Variants in PDGFRA observed in about 807,000 individuals in gnomAD.
The protein encoded by PDGFRA is platelet derived growth factor receptor alpha, also known as platelet-derived growth factor receptor alpha.
Under a neutral mutation model 121.5 loss-of-function variants are expected in PDGFRA, and 25 were observed. That is an observed-to-expected ratio of 0.21 (90% confidence interval 0.15 to 0.29). The LOEUF (loss-of-function observed/expected upper bound fraction) is 0.29. Among genes scored for constraint, PDGFRA ranks in the 10% least tolerant of loss-of-function variants. PDGFRA has a pLI of 1.00. For synonymous variants in PDGFRA, 463 were observed against 494.8 expected (o/e 0.94, Z 0.85); for missense variants, 1,008 against 1,345.1 (o/e 0.75, Z 3.92).
chr4:54,291,822 C>G (rs1016790987), intron 22 of PDGFRA, among the ~76,000 whole-genome samples: 5 of 145,460 alleles, frequency 3.4e-5, no homozygotes, highest in African/African-American at 1.0e-4. Context: ...TAAAGACATG[C>G]ATACGTATGT....
chr4:54,238,531 T>G (rs998480903), intron 1 of PDGFRA, among the ~76,000 whole-genome samples: 2 of 152,174 alleles, frequency 1.3e-5, no homozygotes, highest in African/African-American at 4.8e-5. Context: ...CCAGAGTGAC[T>G]TCATCTTGAA....
In PDGFRA at chr4:54,280,962, C is replaced by G. The variant is rs577379660; in HGVS notation, c.2323+480C>G. Among the ~76,000 whole-genome samples the G allele has an allele frequency of 3.9e-5, 6 of 151,938 alleles. No individual in the cohort carries two copies. In the South Asian group the frequency reaches 8.3e-4, roughly 21 times the overall value. ...CTCTGATGTCTATGAGTTCAGTAAC[C>G]CTTGCTTTTACTTTTCCTAACATTC... On this transcript the variant is annotated intron_variant, in intron 16 of 22. Transcript: ENST00000257290.
At chr4:54,287,632 G>T in intron 19 of PDGFRA, 91 bp downstream of exon 19, 1 of 766,706 alleles carries the variant, frequency 1.3e-6, no homozygotes. Flanking sequence ...TGTAGACAGT[G>T]TTAAGATAAC....
chr4:54,270,105 G>C (rs569070133), intron 7 of PDGFRA, among the ~76,000 whole-genome samples: 2 of 152,228 alleles, frequency 1.3e-5, no homozygotes, highest in South Asian at 4.1e-4. Context: ...AGTTTCATTA[G>C]GTTCTTATGA....
intron 1 of PDGFRA, among the ~76,000 whole-genome samples, chr4:54,255,235 A>G (rs978298170): frequency 1.3e-5 from 2 of 152,202 alleles, no homozygotes; most frequent in African/African-American, 4.8e-5. Flanking sequence ...TTGGCTTAGT[A>G]AATAATGATT....
intron 8 of PDGFRA, among the ~76,000 whole-genome samples, chr4:54,271,114 A>G (rs1565670): frequency 0.17 from 26,465 of 152,066 alleles, 2,738 homozygotes; most frequent in Admixed American, 0.29. Flanking sequence ...CCACCAGCTT[A>G]CTTAGCACCT....
At chr4:54,231,096 C>T (rs557884155) in intron 1 of PDGFRA, among the ~76,000 whole-genome samples, 8 of 152,334 alleles carry the variant, frequency 5.3e-5, no homozygotes, top group African/African-American at 1.9e-4. Context: ...GTGCGTTGTG[C>T]ATCCCTCCCG....
chr4:54,295,228 A>T lies in PDGFRA; in HGVS notation c.3226A>T (p.Ile1076Phe). ...TIEDIDMMDD[I>F]GIDSSDLVED... ...TGAAGACATCGACATGATGGATGAC[A>T]TCGGCATAGACTCTTCAGACCTGGT... The change falls in exon 23 of 23, where the codon ATC becomes TTC. Residue 1076 changes from isoleucine (I) to phenylalanine (F), a missense_variant. By Grantham distance (21) the Ile-to-Phe change is conservative. Around this residue, in one of 5 missense-constraint regions of PDGFRA, gnomAD observed 204 missense variants for 243.0 expected, o/e 0.84. Transcript: ENST00000257290. The T allele has an allele frequency of 1.2e-6, 2 of 1,614,038 alleles. No individual in the cohort carries two copies. Among genetic ancestry groups the T allele is most frequent in the East Asian group, 2.2e-5 (1 of 44,870 alleles).
chr4:54,276,020 G>T (rs1297260162), intron 12 of PDGFRA, among the ~76,000 whole-genome samples: 1 of 152,164 alleles, frequency 6.6e-6, no homozygotes, highest in East Asian at 1.9e-4. Flanking sequence ...TGGTTTAGGG[G>T]TCACTGTTGT....
At chr4:54,235,837 A>G (rs1250165253) in intron 1 of PDGFRA, among the ~76,000 whole-genome samples, 3 of 152,260 alleles carry the variant, frequency 2.0e-5, no homozygotes, top group Non-Finnish European at 2.9e-5. Flanking sequence ...TAGTCCTTAC[A>G]AGAATGCCAC....
At chr4:54,289,467 C>T (rs779758545) in intron 21 of PDGFRA, among the ~76,000 whole-genome samples, 44 of 152,288 alleles carry the variant, frequency 2.9e-4, no homozygotes, top group Admixed American at 1.1e-3. Context: ...CTTTTACCAG[C>T]GGACTGGAAG....
intron 20 of PDGFRA, 37 bp from the exon 21 acceptor site, chr4:54,288,971 CT>C: frequency 6.6e-7 from 1 of 1,524,026 alleles, no homozygotes; most frequent in Non-Finnish European, 9.1e-7. Context: ...GGCCCTGAGA[CT>C]TCCCCCTGTG....
At chr4:54,280,265 GA>G in intron 15 of PDGFRA, 50 bp from the exon 16 acceptor site, 1 of 1,220,274 alleles carries the variant, frequency 8.2e-7, no homozygotes, top group Non-Finnish European at 1.2e-6. Context: ...AAAGTGGAAT[GA>G]CCACTTCAGA....
At chr4:54,252,723 T>C (rs929676536) in intron 1 of PDGFRA, among the ~76,000 whole-genome samples, 1 of 152,212 alleles carries the variant, frequency 6.6e-6, no homozygotes, top group Non-Finnish European at 1.5e-5. Flanking sequence ...TTGTGGTCTT[T>C]AATCATGTGA....
chr4:54,269,485 C>A (rs533932249), intron 7 of PDGFRA, among the ~76,000 whole-genome samples: 1 of 148,644 alleles, frequency 6.7e-6, no homozygotes, highest in Admixed American at 6.9e-5. Flanking sequence ...TGGGCACATA[C>A]TATATTTATG....
intron 1 of PDGFRA, among the ~76,000 whole-genome samples, chr4:54,246,551 G>T (rs977606733): frequency 3.3e-5 from 5 of 151,984 alleles, no homozygotes; most frequent in Non-Finnish European, 7.4e-5. Context: ...AGAATCTCTG[G>T]GACACATTCA....
chr4:54,275,288 T>C (rs1310198496), intron 12 of PDGFRA, among the ~76,000 whole-genome samples: 1 of 152,212 alleles, frequency 6.6e-6, no homozygotes, highest in East Asian at 1.9e-4. Flanking sequence ...AAAATGAATT[T>C]CTGTGACTAA....
chr4:54,270,021 G>A (rs1462570807), intron 7 of PDGFRA, among the ~76,000 whole-genome samples: 4 of 152,100 alleles, frequency 2.6e-5, no homozygotes, highest in East Asian at 1.9e-4. Flanking sequence ...AGAATGCATT[G>A]TAAGAAGCCT....
intron 10 of PDGFRA, 148 bp downstream of exon 10, chr4:54,273,878 G>C (rs1359003228): frequency 5.7e-6 from 4 of 706,696 alleles, no homozygotes; most frequent in Non-Finnish European, 9.8e-6. Flanking sequence ...GTGGGACTTT[G>C]TTTTATTTTG....
Sources: gnomAD v4.1 joint callset for allele counts (sites outside exome capture counted in the v4.1 genomes callset) on GRCh38, gnomAD v4.1.1 for gene constraint, gnomAD v4.1.1 regional missense constraint, MANE v1.5 for transcripts, NCBI Gene and HGNC (gene_info 2026-07-23, HGNC 2026-07-21) for gene names.